KIAA1671: variants seen among roughly 807,000 people sequenced by gnomAD.
The protein encoded by KIAA1671 is uncharacterized protein KIAA1671.
KIAA1671 carries 52 observed loss-of-function variants against 131.2 expected under a neutral mutation model. The ratio of observed to expected loss-of-function variants is 0.40; its 90% CI spans 0.32 to 0.50. KIAA1671 has a LOEUF of 0.50. Among genes scored for constraint, KIAA1671 ranks in the 20% least tolerant of loss-of-function variants. The pLI is 0.73. For synonymous variants in KIAA1671, 1,003 were observed against 961.6 expected, an observed-to-expected ratio of 1.04 and a Z score of -0.80; for missense variants, 2,360 against 2,364.2, an observed-to-expected ratio of 1.00 and a Z score of 0.04.
At chr22:25,071,531 C>T (rs564240636) in intron 6 of KIAA1671, among the ~76,000 whole-genome samples, 1 of 151,944 alleles carries the variant, frequency 6.6e-6, no homozygotes, top group South Asian at 2.1e-4. Flanking sequence ...GTTTTAATTA[C>T]AAAAATAATG....
chr22:25,183,321 A>G (rs1378447137), intron 10 of KIAA1671, among the ~76,000 whole-genome samples: 2 of 152,196 alleles, frequency 1.3e-5, no homozygotes, highest in African/African-American at 4.8e-5. Flanking sequence ...ATAGAAAATC[A>G]GTCAGTAGTG....
At chr22:25,180,770 A>C (rs767023873) in intron 9 of KIAA1671, among the ~76,000 whole-genome samples, 28 of 151,916 alleles carry the variant, frequency 1.8e-4, no homozygotes, top group Non-Finnish European at 3.5e-4. Context: ...TCTCTCTCCC[A>C]CTCCTATCCC....
chr22:25,094,834 G>A (rs891393841), intron 6 of KIAA1671, among the ~76,000 whole-genome samples: 3 of 152,138 alleles, frequency 2.0e-5, no homozygotes, highest in Non-Finnish European at 4.4e-5. Context: ...GTGGATCTGG[G>A]AGCATCAGGA....
At position 25,073,330 on chromosome 22, in the gene KIAA1671, A is replaced by T. The variant is rs1039813515; in HGVS notation, c.4530+23966A>T. 1.1e-4 allele frequency among the ~76,000 whole-genome samples: 16 copies of T among 152,306 alleles called. No individual in the cohort carries two copies. In the South Asian group the frequency reaches 1.5e-3, roughly 14 times the overall value. ...CGATCCTCCCACCTCAGCCTCCCAA[A>T]GTGCTGGGACTACAGGCGTGAGCCA... On this transcript the variant is annotated intron_variant, in intron 6 of 12. Transcript: ENST00000358431.
intron 8 of KIAA1671, chr22:25,174,910 A>G (rs1933971124): frequency 6.3e-6 from 1 of 159,976 alleles, no homozygotes; most frequent in Non-Finnish European, 1.4e-5. Flanking sequence ...GAACGTTCTC[A>G]CTAAGGTCTT....
Position 25,028,033 on chromosome 22 carries a change from C to T in KIAA1671, c.34C>T (p.Pro12Ser), listed in dbSNP as rs1307710283. Residue 12 changes from proline (P) to serine (S), a missense_variant, in exon 3 of 13, where the codon CCC (proline) becomes TCC (serine). Physicochemically the swap from Pro to Ser is moderately conservative, Grantham distance 74. Coordinates refer to ENST00000358431, the MANE Select transcript of KIAA1671 (RefSeq NM_001145206.2). ...GCGGGTCGAGGTGGGCTCCATAACG[C>T]CCTTGACGGCCGTGCCAGGCCTGGG... ...ATRVEVGSIT[P>S]LTAVPGLGEM... 2.0e-6 allele frequency: 3 copies of T among 1,528,140 alleles called. No individual in the cohort carries two copies. Among genetic ancestry groups the T allele is most frequent in the African/African-American group, 2.8e-5 (2 of 72,120 alleles). 94.7% of individuals were successfully genotyped at this position (1,528,140 alleles called of 1,614,324 possible). A position where few individuals can be genotyped will look rare whatever the true frequency, so the allele number is the denominator to read the frequency against.
At chr22:25,191,386 C>T (rs2146055719) in intron 12 of KIAA1671, among the ~76,000 whole-genome samples, 1 of 152,204 alleles carries the variant, frequency 6.6e-6, no homozygotes, top group South Asian at 2.1e-4. Flanking sequence ...GAACTCCTGA[C>T]CTCAGGTGAT....
rs532635479 is a variant in KIAA1671 at position 25,161,336 on chromosome 22, A to G, written c.4531-9484A>G. ...CAGGGCTCTGATGGGGAGGATGCCC[A>G]CGTAGACCACTGGGGATCAGGAAAG... On this transcript the variant is annotated intron_variant, in intron 6 of 12. Transcript: ENST00000358431. Among the ~76,000 whole-genome samples, 12 of 152,334 alleles carry G rather than the reference A, an allele frequency of 7.9e-5. No homozygotes were observed. The East Asian group carries it at 1.9e-3, about 25-fold the overall frequency.
chr22:24,972,621 ATTCT>A (rs1352234151), intron 1 of KIAA1671, among the ~76,000 whole-genome samples: 7 of 151,310 alleles, frequency 4.6e-5, no homozygotes, highest in Non-Finnish European at 1.0e-4. Context: ...CCATCCACTT[ATTCT>A]TTATTTCTTT....
intron 6 of KIAA1671, among the ~76,000 whole-genome samples, chr22:25,119,692 C>A (rs1004547744): frequency 2.0e-5 from 3 of 152,204 alleles, no homozygotes; most frequent in Admixed American, 2.0e-4. Flanking sequence ...GGAAAGTCTT[C>A]TCAGGAGGTG....
At chr22:24,991,123 G>A (rs187918670) in intron 1 of KIAA1671, among the ~76,000 whole-genome samples, 2 of 152,202 alleles carry the variant, frequency 1.3e-5, no homozygotes, top group African/African-American at 4.8e-5. Flanking sequence ...GGGTTCAAGC[G>A]ATTATCCTGC....
At chr22:25,018,377 T>A (rs1925458176) in intron 1 of KIAA1671, among the ~76,000 whole-genome samples, 1 of 152,052 alleles carries the variant, frequency 6.6e-6, no homozygotes, top group African/African-American at 2.4e-5. Flanking sequence ...GTTTGTAGGT[T>A]TTTGCTTTTT....
rs940654769 is a variant in KIAA1671, at chr22:25,041,270, C to T, written c.4140C>T (p.Thr1380=). The change falls in exon 5 of 13, where the codon ACC becomes ACT. Residue 1380 remains threonine, a synonymous_variant. Transcript: ENST00000358431. Reference sequence around the variant, plus strand: ...AGAAAGGGACCCCAAGGAAATCCACCGGGCGGGGAGAGGAGGACAGTGTGG... The same window carrying T: ...AGAAAGGGACCCCAAGGAAATCCACTGGGCGGGGAGAGGAGGACAGTGTGG... The part of the protein sequence containing the change: ...DQKKGTPRKS[T]GRGEEDSVAQ... 41 of 1,551,708 alleles carry T rather than the reference C, an allele frequency of 2.6e-5. No homozygotes were observed. Among genetic ancestry groups the T allele is most frequent in the South Asian group, 2.3e-4 (19 of 84,060 alleles).
chr22:25,133,513 G>A (rs776404080), intron 6 of KIAA1671, among the ~76,000 whole-genome samples: 4 of 152,164 alleles, frequency 2.6e-5, no homozygotes, highest in African/African-American at 4.8e-5. Context: ...TCTTTATATA[G>A]TCAATGTTAG....
At chr22:25,121,613 G>A (rs1281262247) in intron 6 of KIAA1671, among the ~76,000 whole-genome samples, 3 of 152,172 alleles carry the variant, frequency 2.0e-5, no homozygotes, top group Non-Finnish European at 4.4e-5. Context: ...GCGCAATTTG[G>A]TGGTATAAAT....
intron 6 of KIAA1671, among the ~76,000 whole-genome samples, chr22:25,075,440 T>C (rs1037558995): frequency 1.3e-5 from 2 of 152,206 alleles, no homozygotes; most frequent in Admixed American, 1.3e-4. Flanking sequence ...ATTTTTTCGC[T>C]TTTAGTTTCA....
chr22:25,172,279 G>A (rs569210331), intron 7 of KIAA1671, among the ~76,000 whole-genome samples: 1 of 152,124 alleles, frequency 6.6e-6, no homozygotes, highest in East Asian at 1.9e-4. Flanking sequence ...GTGGACTTAG[G>A]TGCACCCCTG....
chr22:25,007,344 G>T (rs1464582585), intron 1 of KIAA1671, among the ~76,000 whole-genome samples: 2 of 151,540 alleles, frequency 1.3e-5, no homozygotes, highest in African/African-American at 4.9e-5. Flanking sequence ...AAATTAGATG[G>T]GCATGGTGGT....
At chr22:24,959,716 G>C (rs1304409992) in intron 1 of KIAA1671, among the ~76,000 whole-genome samples, 3 of 152,280 alleles carry the variant, frequency 2.0e-5, no homozygotes, top group South Asian at 2.1e-4. Flanking sequence ...AAGAAGGAAG[G>C]GGGCAAGGTG....
Sources: allele counts gnomAD v4.1 joint callset (sites outside exome capture counted in the v4.1 genomes callset), GRCh38; gene constraint gnomAD v4.1.1; transcripts MANE v1.5; gene names NCBI Gene and HGNC (gene_info 2026-07-23, HGNC 2026-07-21).